SARDH: variants seen among roughly 807,000 people sequenced by gnomAD.
The protein encoded by SARDH is sarcosine dehydrogenase, also known as sarcosine dehydrogenase, mitochondrial.
SARDH carries 95 observed loss-of-function variants against 109.1 expected under a neutral mutation model. The ratio of observed to expected loss-of-function variants is 0.87; its 90% confidence interval spans 0.74 to 1.03. SARDH has a LOEUF of 1.03. Ranked by LOEUF, SARDH falls within the 50% of genes least tolerant of loss-of-function variation. SARDH has a pLI of 0.00. For missense variants in SARDH, 1,267 were observed against 1,287.8 expected, an observed-to-expected ratio of 0.98 and a Z score of 0.25; for synonymous variants, 572 against 534.8, an observed-to-expected ratio of 1.07 and a Z score of -0.96.
intron 6 of SARDH, among the ~76,000 whole-genome samples, chr9:133,726,082 A>G (rs1272303965): frequency 6.6e-6 from 1 of 152,052 alleles, no homozygotes; most frequent in African/African-American, 2.4e-5. Flanking sequence ...CACTGTTTAA[A>G]AATAATCACA....
intron 16 of SARDH, 28 bp from the exon 17 acceptor site, chr9:133,685,314 C>A: frequency 6.2e-7 from 1 of 1,603,524 alleles, no homozygotes; most frequent in Admixed American, 1.7e-5. Flanking sequence ...GTCGCTCAGT[C>A]AGCAAGTGCT....
intron 6 of SARDH, among the ~76,000 whole-genome samples, chr9:133,721,512 C>T (rs1254958742): frequency 2.6e-5 from 4 of 152,144 alleles, no homozygotes. Context: ...GAGTGAAAGC[C>T]ATGGCTCCAG....
chr9:133,710,887 C>A (rs1831893898), intron 10 of SARDH, among the ~76,000 whole-genome samples: 1 of 152,242 alleles, frequency 6.6e-6, no homozygotes, highest in Non-Finnish European at 1.5e-5. Flanking sequence ...TGGGTGCCAC[C>A]AGCCAGGCTG....
Position 133,704,333 on chromosome 9 carries a change from T to TG in SARDH, c.1554+614_1554+615insC, listed in dbSNP as rs1831606247. 6.6e-6 allele frequency among the ~76,000 whole-genome samples: 1 copy of TG among 152,174 alleles called. No individual in the cohort carries two copies. The highest frequency in any genetic ancestry group is 1.5e-5 in the Non-Finnish European group (1 of 68,010). ...ATTTCTGTAAATCTGGATCAAATGC[T>TG]ACCCCTCAGCTGGCCTTAAGGCCTC... On this transcript the variant is annotated intron_variant, in intron 12 of 20. Coordinates refer to ENST00000439388, the MANE Select transcript of SARDH (RefSeq NM_001134707.2). This position sits in a 1 kb window ranked among gnomAD's most constrained non-coding sequence, Gnocchi z 4.5.
chr9:133,738,020 C>A (rs1398908511), intron 1 of SARDH, among the ~76,000 whole-genome samples: 1 of 152,178 alleles, frequency 6.6e-6, no homozygotes, highest in Admixed American at 6.5e-5. Context: ...GGGGGTCAAG[C>A]GAGGAGAGCG....
intron 17 of SARDH, among the ~76,000 whole-genome samples, chr9:133,679,533 C>T (rs573516127): frequency 2.2e-4 from 34 of 152,344 alleles, no homozygotes; most frequent in African/African-American, 2.9e-4. Flanking sequence ...GGCCCGTCCT[C>T]GGCAGGGGCC....
chr9:133,676,104 A>T (rs1830502279), intron 17 of SARDH, among the ~76,000 whole-genome samples: 1 of 124,872 alleles, frequency 8.0e-6, no homozygotes, highest in Non-Finnish European at 1.6e-5. Context: ...TTAAAAAAAA[A>T]AACACACACC....
At position 133,726,690 on chromosome 9, in the gene SARDH, G is replaced by A. The variant is rs567084574; in HGVS notation, c.915+3075C>T. ...TGGCTGTCCCCAGTCTGGCCCTGGT[G>A]CCACTGACTCCCTGCCTCCTGACCT... On this transcript the variant is annotated intron_variant, in intron 6 of 20. Transcript: ENST00000439388. Among the ~76,000 whole-genome samples the A allele has an allele frequency of 2.6e-5, 4 of 152,264 alleles. No homozygotes were observed. In the South Asian group the frequency reaches 8.3e-4, roughly 32 times the overall value.
intron 6 of SARDH, among the ~76,000 whole-genome samples, chr9:133,729,220 A>C (rs1832590749): frequency 6.6e-6 from 1 of 152,050 alleles, no homozygotes; most frequent in East Asian, 1.9e-4. Context: ...ACAAAGTGGC[A>C]GGAAGCTCCC....
intron 19 of SARDH, among the ~76,000 whole-genome samples, chr9:133,667,870 C>T (rs1830128823): frequency 6.6e-6 from 1 of 152,126 alleles, no homozygotes; most frequent in Admixed American, 6.5e-5. Flanking sequence ...ACGCTGAGGC[C>T]CCAACTGCCC....
At position 133,689,141 on chromosome 9, in the gene SARDH, GCTCACCTCGGCGACCTTCAGGCTGGAGA is replaced by G. The variant is rs753188756; in HGVS notation, c.2069+1211_2069+1238del. Among the ~76,000 whole-genome samples, 464 of 152,204 alleles carry G rather than the reference GCTCACCTCGGCGACCTTCAGGCTGGAGA, an allele frequency of 3.0e-3. 2 individuals carry two copies. The highest frequency in any genetic ancestry group is 5.2e-3 in the South Asian group (25 of 4,826). On this transcript the variant is annotated intron_variant, in intron 16 of 20. Coordinates refer to ENST00000439388, the MANE Select transcript of SARDH (RefSeq NM_001134707.2). ...AGGACACAGCCCTGCTACGTCAAGT[GCTCACCTCGGCGACCTTCAGGCTGGAGA>G]CTCATCTCCCCCCCACCCCTCCCTG...
At chr9:133,713,404 C>T (rs1430617929) in intron 8 of SARDH, among the ~76,000 whole-genome samples, 1 of 152,176 alleles carries the variant, frequency 6.6e-6, no homozygotes, top group Non-Finnish European at 1.5e-5. Flanking sequence ...GGCCGTTGTC[C>T]TGCCGACAAG....
chr9:133,661,303 G>C (rs1349440372), downstream of SARDH, among the ~76,000 whole-genome samples: 2 of 150,868 alleles, frequency 1.3e-5, no homozygotes, highest in Non-Finnish European at 2.9e-5. Flanking sequence ...TCACACCACT[G>C]TACTCCAGCT....
chr9:133,683,936 T>A (rs951012133), intron 17 of SARDH, among the ~76,000 whole-genome samples: 19 of 152,166 alleles, frequency 1.2e-4, no homozygotes, highest in African/African-American at 4.1e-4. Flanking sequence ...CACTGACACA[T>A]ATCGGGGGCT....
chr9:133,681,416 C>T (rs954345981), intron 17 of SARDH, among the ~76,000 whole-genome samples: 1 of 152,358 alleles, frequency 6.6e-6, no homozygotes, highest in Non-Finnish European at 1.5e-5. Flanking sequence ...GCGGGACTCT[C>T]GGTTCCATGA....
chr9:133,700,968 T>G (rs1831463322), intron 13 of SARDH, among the ~76,000 whole-genome samples: 1 of 152,194 alleles, frequency 6.6e-6, no homozygotes, highest in Non-Finnish European at 1.5e-5. Context: ...AGCTGCCGTG[T>G]GTCGGGAAGC....
intron 8 of SARDH, among the ~76,000 whole-genome samples, chr9:133,716,913 ATCAGGGAAGGTC>A (rs55683669): frequency 0.32 from 48,133 of 151,986 alleles, 7,696 homozygotes; most frequent in Admixed American, 0.35. Flanking sequence ...TAAGCCTCTC[ATCAGGGAAGGTC>A]TCAGCCCTTC....
intron 6 of SARDH, among the ~76,000 whole-genome samples, chr9:133,723,493 T>C (rs1028522338): frequency 1.3e-5 from 2 of 152,246 alleles, no homozygotes; most frequent in Admixed American, 6.5e-5. Flanking sequence ...CCAGGCATGG[T>C]GGCTCACGCC....
At chr9:133,698,342 C>T (rs567879037) in intron 13 of SARDH, among the ~76,000 whole-genome samples, 3 of 152,284 alleles carry the variant, frequency 2.0e-5, no homozygotes, top group Non-Finnish European at 4.4e-5. Context: ...TGACAAGATA[C>T]CCCAAATTGA....
Sources: allele counts gnomAD v4.1 joint callset (sites outside exome capture counted in the v4.1 genomes callset), GRCh38; gene constraint gnomAD v4.1.1; non-coding constraint Gnocchi (gnomAD v3.1); transcripts MANE v1.5; gene names NCBI Gene and HGNC (gene_info 2026-07-23, HGNC 2026-07-21).